GLE1: variants seen among roughly 807,000 people sequenced by gnomAD.
The protein encoded by GLE1 is GLE1 RNA export mediator.
Under a neutral mutation model 97.3 loss-of-function variants are expected in GLE1, and 78 were observed. The observed-to-expected ratio is 0.80, with a 90% CI of 0.67 to 0.97. GLE1 has a LOEUF of 0.97. Ranked by LOEUF, GLE1 falls within the 50% of genes least tolerant of loss-of-function variation. GLE1 has a pLI of 0.00. For synonymous variants in GLE1, 302 were observed against 313.4 expected (o/e 0.96, Z 0.39); for missense variants, 753 against 857.5 (o/e 0.88, Z 1.52).
Position 128,519,306 on chromosome 9 carries a change from G to A in GLE1, c.433-3362G>A, listed in dbSNP as rs567662313. On this transcript the variant is annotated intron_variant, in intron 3 of 15. Coordinates refer to ENST00000309971, the MANE Select transcript of GLE1 (RefSeq NM_001003722.2). ...AACCTTAAACTCTGACCGCCGGTGA[G>A]CTGGGCAGAACAAAGCCATATTTCT... 3.9e-5 allele frequency among the ~76,000 whole-genome samples: 6 copies of A among 152,356 alleles called. No homozygotes were observed. The East Asian group carries it at 1.2e-3, about 29-fold the overall frequency.
chr9:128,527,229 C>T lies in GLE1; in HGVS notation c.1180C>T (p.Gln394Ter). 1 of 1,612,196 alleles carries T rather than the reference C, an allele frequency of 6.2e-7. No homozygotes were observed. ...DITMQWYQQL[Q>*]DASMQCVLTF... is the part of the protein sequence containing the mutation. ...TACAATGCAGTGGTACCAGCAGCTG[C>T]AGGATGCTTCCATGCAGTGTGTGTT... The change falls in exon 8 of 16, where the codon CAG (glutamine) becomes TAG (stop). Residue 394 changes from glutamine (Q) to a stop codon, truncating the protein, a stop_gained. Transcript: ENST00000309971. LOFTEE classifies it high-confidence loss of function.
In GLE1 at chr9:128,515,643, A is replaced by G. The variant is rs1238709652; in HGVS notation, c.432+4A>G. On this transcript the variant is annotated splice_donor_region_variant and intron_variant, in intron 3 of 15. Transcript: ENST00000309971. The stretch of plus-strand genomic sequence containing the variant: ...GGTACACAGAATGAAAGGAACAGTA[A>G]GTGAACCCATGAAGGAAGGCAGCCT... 1 of 1,495,302 alleles carries G rather than the reference A, an allele frequency of 6.7e-7. No homozygotes were observed. The highest frequency in any genetic ancestry group is 9.3e-7 in the Non-Finnish European group (1 of 1,072,036). The allele number at this position is 1,495,302 out of a possible 1,614,324, so 92.6% of individuals were successfully genotyped here. A position where few individuals can be genotyped will look rare whatever the true frequency, so the allele number is the denominator to read the frequency against.
chr9:128,540,952 C>G, intron 15 of GLE1, 150 bp from the exon 16 acceptor site: 1 of 672,978 alleles, frequency 1.5e-6, no homozygotes, highest in South Asian at 1.6e-5. Flanking sequence ...ACATCTTATA[C>G]AGAACCATCA....
chr9:128,539,562 CTG>C, intron 13 of GLE1, 52 bp from the exon 14 acceptor site: 2 of 1,472,154 alleles, frequency 1.4e-6, no homozygotes, highest in Non-Finnish European at 1.9e-6. Flanking sequence ...TGAATCTGTC[CTG>C]TGAGTGTGAA....
rs1278511963 is a variant in GLE1, at chr9:128,531,075, A to G, written c.1313-2438A>G. ...ACTAAAAATACAAAATTAGCTGGGC[A>G]TGGTGGTGCATGCCTGTAATCCCAG... On this transcript the variant is annotated intron_variant, in intron 9 of 15. Coordinates refer to ENST00000309971, the MANE Select transcript of GLE1 (RefSeq NM_001003722.2). 2.0e-5 allele frequency among the ~76,000 whole-genome samples: 3 copies of G among 150,172 alleles called. No homozygotes were observed. The East Asian group carries it at 5.9e-4, about 30-fold the overall frequency.
intron 6 of GLE1, among the ~76,000 whole-genome samples, chr9:128,524,072 C>CTTTTTTTTTTTTT (rs67466089): frequency 1.4e-5 from 1 of 69,954 alleles, no homozygotes; most frequent in African/African-American, 7.3e-5. Flanking sequence ...ATTCTGGAGT[C>CTTTTTTTTTTTTT]TTTTTTTTTT....
intron 3 of GLE1, among the ~76,000 whole-genome samples, chr9:128,521,707 T>A (rs546612561): frequency 6.6e-6 from 1 of 152,228 alleles, no homozygotes; most frequent in South Asian, 2.1e-4. Context: ...CATTCCCCAG[T>A]TAAGTGGTTT....
Position 128,521,023 on chromosome 9 carries a change from A to C in GLE1, c.433-1645A>C, listed in dbSNP as rs372613759. Reference sequence around the variant, plus strand: ...GTGATCCTCCCACTTTGGCCTCCTCAAGTGCTGGGATTACAGATCTCAGCC... The same window carrying C: ...GTGATCCTCCCACTTTGGCCTCCTCCAGTGCTGGGATTACAGATCTCAGCC... On this transcript the variant is annotated intron_variant, in intron 3 of 15. Coordinates refer to ENST00000309971, the MANE Select transcript of GLE1 (RefSeq NM_001003722.2). Among the ~76,000 whole-genome samples the C allele has an allele frequency of 2.6e-4, 40 of 152,074 alleles. No individual in the cohort carries two copies. In the East Asian group the frequency reaches 7.4e-3, roughly 28 times the overall value.
chr9:128,523,630 C>T lies in GLE1; in HGVS notation c.681C>T (p.Arg227=), dbSNP rs887848949. Residue 227 remains arginine (R), a synonymous_variant, in exon 6 of 16, where the codon CGC becomes CGT. Transcript: ENST00000309971. The part of the protein sequence containing the change: ...NLKLREAEQQ[R]VKQAEQERLR... ...AGCTGCGGGAAGCAGAGCAGCAGCG[C>T]GTGAAGCAAGCAGAACAGGAGCGGC... is the stretch of plus-strand genomic sequence containing the variant. 8 of 1,613,986 alleles carry T rather than the reference C, an allele frequency of 5.0e-6. No homozygotes were observed. The highest frequency in any genetic ancestry group is 2.2e-5 in the East Asian group (1 of 44,890).
intron 2 of GLE1, among the ~76,000 whole-genome samples, chr9:128,511,113 A>G (rs1244508384): frequency 1.3e-5 from 2 of 151,424 alleles, no homozygotes; most frequent in Non-Finnish European, 2.9e-5. Flanking sequence ...CTGAGGCACT[A>G]GAATTGCTTG....
chr9:128,534,119 A>G (rs1847618453), intron 11 of GLE1, among the ~76,000 whole-genome samples, 168 bp downstream of exon 11: 1 of 152,170 alleles, frequency 6.6e-6, no homozygotes, highest in African/African-American at 2.4e-5. Context: ...TGTAATCCCA[A>G]CATTTTGGGA....
At chr9:128,521,779 A>G (rs1161899043) in intron 3 of GLE1, among the ~76,000 whole-genome samples, 1 of 152,182 alleles carries the variant, frequency 6.6e-6, no homozygotes, top group African/African-American at 2.4e-5. Flanking sequence ...ATCTTTGCAC[A>G]CACATACAAG....
chr9:128,517,745 C>T (rs148093977), intron 3 of GLE1, among the ~76,000 whole-genome samples: 83 of 152,112 alleles, frequency 5.5e-4, no homozygotes, highest in African/African-American at 1.9e-3. Context: ...ATTTTATTCT[C>T]CACCTGTTGA....
At chr9:128,519,518 T>C (rs1300960853) in intron 3 of GLE1, among the ~76,000 whole-genome samples, 1 of 152,170 alleles carries the variant, frequency 6.6e-6, no homozygotes, top group African/African-American at 2.4e-5. Flanking sequence ...CCCAGGCTTA[T>C]TAGGAAGAAG....
At chr9:128,505,837 C>T (rs574923040) in intron 1 of GLE1, among the ~76,000 whole-genome samples, 1 of 152,168 alleles carries the variant, frequency 6.6e-6, no homozygotes, top group African/African-American at 2.4e-5. Context: ...TCCTCCATGG[C>T]TTTAGCATTC....
At chr9:128,536,230 C>T in intron 11 of GLE1, 125 bp from the exon 12 acceptor site, 1 of 696,212 alleles carries the variant, frequency 1.4e-6, no homozygotes, top group Non-Finnish European at 2.6e-6. Context: ...GATGGGGTTT[C>T]ACCACATTGG....
At chr9:128,508,131 G>C (rs1846694659) in intron 1 of GLE1, among the ~76,000 whole-genome samples, 1 of 142,502 alleles carries the variant, frequency 7.0e-6, no homozygotes, top group African/African-American at 2.7e-5. Context: ...GGTGAGCCAA[G>C]ATCGTGCCAT....
chr9:128,509,114 C>G lies in GLE1; in HGVS notation c.321+17C>G. 1 of 1,469,108 alleles carries G rather than the reference C, an allele frequency of 6.8e-7. No homozygotes were observed. The highest frequency in any genetic ancestry group is 2.3e-5 in the East Asian group (1 of 44,212). The allele number at this position is 1,469,108 out of a possible 1,614,324, so 91.0% of individuals were successfully genotyped here. ...GGAACCAAGGTAAGGTTGTGATCAG[C>G]TTAAGACAAAAGACATGGTGGCTGC... On this transcript the variant is annotated intron_variant, in intron 2 of 15. Transcript: ENST00000309971.
At chr9:128,539,851 ATTTGAATAAAT>A in intron 14 of GLE1, 153 bp downstream of exon 14, 1 of 1,527,430 alleles carries the variant, frequency 6.5e-7, no homozygotes, top group South Asian at 1.2e-5. Context: ...TCTCGTTGAT[ATTTGAATAAAT>A]GCTTTTGAAC....
Sources: allele counts gnomAD v4.1 joint callset (sites outside exome capture counted in the v4.1 genomes callset), GRCh38; gene constraint gnomAD v4.1.1; transcripts MANE v1.5; gene names NCBI Gene and HGNC (gene_info 2026-07-23, HGNC 2026-07-21).